FOXP2: variants seen among roughly 807,000 people sequenced by gnomAD.
FOXP2 encodes the protein forkhead box protein P2.
FOXP2 carries 12 observed loss-of-function variants against 115.8 expected under a neutral mutation model. That is an observed-to-expected ratio of 0.10 (90% CI 0.07 to 0.17). The LOEUF (loss-of-function observed/expected upper bound fraction) is 0.17, where lower values mean the gene tolerates loss of function less well. Among genes scored for constraint, FOXP2 ranks in the 10% least tolerant of loss-of-function variants. The probability of loss-of-function intolerance (pLI) is 1.00; values close to 1 mark genes in which losing one functional copy is unlikely to be tolerated. For synonymous variants in FOXP2, 328 were observed against 297.7 expected (o/e 1.10, Z -1.05); for missense variants, 629 against 843.5 (o/e 0.75, Z 3.15).
chr7:114,172,674 A>T (rs953823366), intron 1 of FOXP2, among the ~76,000 whole-genome samples: 1 of 152,120 alleles, frequency 6.6e-6, no homozygotes, highest in Non-Finnish European at 1.5e-5. Context: ...AGTACTTTAA[A>T]GTCTATTAAT....
intron 7 of FOXP2, among the ~76,000 whole-genome samples, chr7:114,643,940 T>A (rs908262274): frequency 1.3e-5 from 2 of 152,188 alleles, no homozygotes; most frequent in African/African-American, 4.8e-5. Flanking sequence ...TAGTACAGTT[T>A]AAAATAAAAT....
intron 1 of FOXP2, among the ~76,000 whole-genome samples, chr7:114,189,678 T>C (rs1191834088): frequency 6.6e-6 from 1 of 152,156 alleles, no homozygotes; most frequent in Non-Finnish European, 1.5e-5. Context: ...GTTTATACCT[T>C]GATCATTATT....
rs1794820046 is a variant in FOXP2 at position 114,229,480 on chromosome 7, G to T, written c.-101-58539G>T. 4.6e-5 allele frequency among the ~76,000 whole-genome samples: 7 copies of T among 151,554 alleles called. No homozygotes were observed. The South Asian group carries it at 1.5e-3, about 31-fold the overall frequency. ...TCAAGCACACATGGAACATTCTTCA[G>T]ATAGATCATGTGTTAGGTCATAAAA... On this transcript the variant is annotated intron_variant, in intron 1 of 17. Transcript: ENST00000634411.
chr7:114,403,249 G>A (rs1365435655), intron 2 of FOXP2, among the ~76,000 whole-genome samples: 1 of 152,064 alleles, frequency 6.6e-6, no homozygotes, highest in Non-Finnish European at 1.5e-5. Flanking sequence ...GTGTTTTATT[G>A]CCAGATGAGT....
At chr7:114,447,632 C>G (rs1794893242) in intron 2 of FOXP2, among the ~76,000 whole-genome samples, 1 of 152,084 alleles carries the variant, frequency 6.6e-6, no homozygotes, top group Non-Finnish European at 1.5e-5. Context: ...TCCTATCTCC[C>G]AGCTCCCTAA....
At chr7:114,366,103 A>T (rs1791874634) in intron 2 of FOXP2, among the ~76,000 whole-genome samples, 1 of 152,168 alleles carries the variant, frequency 6.6e-6, no homozygotes, top group Admixed American at 6.6e-5. Flanking sequence ...CACAGGAAGC[A>T]GTAGAACTCA....
At chr7:114,319,906 T>G (rs951050195) in intron 2 of FOXP2, among the ~76,000 whole-genome samples, 1 of 152,212 alleles carries the variant, frequency 6.6e-6, no homozygotes, top group African/African-American at 2.4e-5. Context: ...TTTATAATTA[T>G]TTGCTAACTT....
intron 1 of FOXP2, among the ~76,000 whole-genome samples, chr7:114,425,388 T>C (rs1793799961): frequency 6.6e-6 from 1 of 151,564 alleles, no homozygotes; most frequent in African/African-American, 2.4e-5. Context: ...CATTAGGTTA[T>C]GGCACAGGAT....
intron 2 of FOXP2, among the ~76,000 whole-genome samples, chr7:114,348,253 G>C (rs1791395057): frequency 6.6e-6 from 1 of 152,014 alleles, no homozygotes; most frequent in South Asian, 2.1e-4. Context: ...TTACAGAAAT[G>C]TAACTTTTTT....
intron 2 of FOXP2, among the ~76,000 whole-genome samples, chr7:114,495,859 A>G (rs1043844020): frequency 6.6e-6 from 1 of 152,144 alleles, no homozygotes; most frequent in Admixed American, 6.6e-5. Flanking sequence ...ATACTCAGTT[A>G]TGTGGGACTT....
At chr7:114,138,612 C>T (rs181768394) in intron 1 of FOXP2, among the ~76,000 whole-genome samples, 270 of 152,152 alleles carry the variant, frequency 1.8e-3, no homozygotes, top group African/African-American at 6.1e-3. Context: ...AGACTGGTCT[C>T]GAACTCCTGA....
upstream of FOXP2, among the ~76,000 whole-genome samples, chr7:114,161,677 A>G (rs982251874): frequency 7.3e-5 from 11 of 151,084 alleles, no homozygotes; most frequent in Admixed American, 7.2e-4. Flanking sequence ...TTTGCTTTAA[A>G]TGTTCCCCCT....
At chr7:114,235,431 A>C (rs1046357269) in intron 1 of FOXP2, among the ~76,000 whole-genome samples, 1 of 152,042 alleles carries the variant, frequency 6.6e-6, no homozygotes, top group Non-Finnish European at 1.5e-5. Flanking sequence ...CTTGTGAAAT[A>C]CCCCTTGAGC....
chr7:114,633,798 G>A (rs1015897062), intron 6 of FOXP2, among the ~76,000 whole-genome samples: 1 of 152,110 alleles, frequency 6.6e-6, no homozygotes, highest in Non-Finnish European at 1.5e-5. Context: ...AATATTTGTT[G>A]TACAGTGTAA....
rs573259332 is a variant in FOXP2, at chr7:114,294,236, C to T, written c.-11+6127C>T. Among the ~76,000 whole-genome samples, 85 of 152,270 alleles carry T rather than the reference C, an allele frequency of 5.6e-4. 1 individual carries two copies. In the South Asian group the frequency reaches 0.017, roughly 31 times the overall value. On this transcript the variant is annotated intron_variant, in intron 2 of 17. Transcript: ENST00000634411. ...GGAGAGTTGTGCTTACTCATGACTG[C>T]GTACGTCTGCATGCTGGTCTGATAC...
chr7:114,369,351 G>T (rs1302964368), intron 2 of FOXP2, among the ~76,000 whole-genome samples: 1 of 152,112 alleles, frequency 6.6e-6, no homozygotes, highest in African/African-American at 2.4e-5. Flanking sequence ...ACAGCAGAGG[G>T]GGTGAATTTT....
chr7:114,616,114 T>C (rs1298633580), intron 3 of FOXP2, among the ~76,000 whole-genome samples: 1 of 152,134 alleles, frequency 6.6e-6, no homozygotes, highest in Middle Eastern at 3.2e-3. Context: ...TCCTAGCATC[T>C]CATATGTATC....
intron 3 of FOXP2, among the ~76,000 whole-genome samples, chr7:114,616,314 C>T (rs1247530681): frequency 6.6e-6 from 1 of 152,056 alleles, no homozygotes; most frequent in African/African-American, 2.4e-5. Context: ...AGGCGTGTGC[C>T]ACCACACCTG....
chr7:114,441,274 C>T (rs969919594), intron 2 of FOXP2, among the ~76,000 whole-genome samples: 41 of 152,084 alleles, frequency 2.7e-4, no homozygotes, highest in Middle Eastern at 3.4e-3. Flanking sequence ...ATGGTGAAAC[C>T]TCGTCTCTAC....
Sources: gnomAD v4.1 joint callset for allele counts (sites outside exome capture counted in the v4.1 genomes callset) on GRCh38, gnomAD v4.1.1 for gene constraint, MANE v1.5 for transcripts, NCBI Gene and HGNC (gene_info 2026-07-23, HGNC 2026-07-21) for gene names.